PLCL1: variants seen among roughly 807,000 people sequenced by gnomAD.
The protein encoded by PLCL1 is phospholipase C like 1 (inactive), also known as inactive phospholipase C-like protein 1.
Under a neutral mutation model 84.4 loss-of-function variants are expected in PLCL1, and 41 were observed. The ratio of observed to expected loss-of-function variants is 0.49; its 90% CI spans 0.38 to 0.63. The LOEUF (loss-of-function observed/expected upper bound fraction) is 0.63, where lower values mean the gene tolerates loss of function less well. Among genes scored for constraint, PLCL1 ranks in the 30% least tolerant of loss-of-function variants. The pLI is 0.00. For synonymous variants in PLCL1, 490 were observed against 488.3 expected (o/e 1.00, Z -0.05); for missense variants, 1,206 against 1,367.8 (o/e 0.88, Z 1.87).
At chr2:197,974,813 T>C (rs1437296658) in intron 1 of PLCL1, among the ~76,000 whole-genome samples, 1 of 152,224 alleles carries the variant, frequency 6.6e-6, no homozygotes, top group African/African-American at 2.4e-5. Context: ...CTGTTTGCCC[T>C]GACAGGCCTG....
chr2:197,979,353 ACT>A, intron 1 of PLCL1, among the ~76,000 whole-genome samples: 1 of 152,320 alleles, frequency 6.6e-6, no homozygotes, highest in East Asian at 1.9e-4. Flanking sequence ...TACTAATATC[ACT>A]AAGTTAACTT....
chr2:197,842,467 C>T (rs1042382637), intron 1 of PLCL1, among the ~76,000 whole-genome samples: 3 of 152,068 alleles, frequency 2.0e-5, no homozygotes, highest in South Asian at 2.1e-4. Context: ...CTCAAAATTG[C>T]CATCCCCCAT....
chr2:197,887,437 T>C (rs1252838516), intron 1 of PLCL1, among the ~76,000 whole-genome samples: 3 of 152,148 alleles, frequency 2.0e-5, no homozygotes, highest in Non-Finnish European at 2.9e-5. Flanking sequence ...AGGAGAGGAA[T>C]TGCTGTGTTT....
At chr2:197,938,677 G>C (rs1031694857) in intron 1 of PLCL1, among the ~76,000 whole-genome samples, 3 of 152,128 alleles carry the variant, frequency 2.0e-5, no homozygotes, top group Non-Finnish European at 4.4e-5. Context: ...GGAATACCTG[G>C]AAGCTTGGAG....
intron 1 of PLCL1, among the ~76,000 whole-genome samples, chr2:198,026,467 A>G (rs1333934120): frequency 6.6e-6 from 1 of 152,186 alleles, no homozygotes; most frequent in Non-Finnish European, 1.5e-5. Context: ...TATCATTTCT[A>G]TGTTACAGGA....
chr2:197,839,595 G>C (rs897313700), intron 1 of PLCL1, among the ~76,000 whole-genome samples: 1 of 152,192 alleles, frequency 6.6e-6, no homozygotes, highest in Non-Finnish European at 1.5e-5. Flanking sequence ...ATGGGCCACA[G>C]ACTGACACCG....
At chr2:197,985,072 T>C (rs1198894755) in intron 1 of PLCL1, among the ~76,000 whole-genome samples, 5 of 152,160 alleles carry the variant, frequency 3.3e-5, no homozygotes, top group Non-Finnish European at 1.5e-5. Context: ...CAGCAATTTT[T>C]TGAGGCATTT....
intron 5 of PLCL1, among the ~76,000 whole-genome samples, chr2:198,126,524 C>T (rs182094968): frequency 5.2e-4 from 79 of 152,246 alleles, no homozygotes; most frequent in Non-Finnish European, 7.9e-4. Context: ...ACCATCCCTA[C>T]GTTAGCGCTG....
chr2:198,030,003 CT>C (rs749979798), intron 1 of PLCL1, among the ~76,000 whole-genome samples: 4 of 151,840 alleles, frequency 2.6e-5, no homozygotes, highest in Non-Finnish European at 4.4e-5. Context: ...CCAGGCCTTT[CT>C]TTCTTTTTTT....
intron 1 of PLCL1, among the ~76,000 whole-genome samples, chr2:197,905,109 G>C (rs922181563): frequency 6.6e-6 from 1 of 151,892 alleles, no homozygotes; most frequent in Non-Finnish European, 1.5e-5. Flanking sequence ...TTTAAGTTCT[G>C]GGATAAATGT....
rs771780528 is a variant in PLCL1 at position 198,084,309 on chromosome 2, T to C, written c.792T>C (p.Ser264=). Residue 264 remains serine, a synonymous_variant, in exon 2 of 6, where the codon TCT becomes TCC. Transcript: ENST00000428675. ...ATGGGATTATGTTGGAAGACACCTC[T>C]GTAGAGTTAATAAAACAACTCAACC... The part of the protein sequence containing the change: ...DGNGIMLEDT[S]VELIKQLNPT... 6.2e-7 allele frequency: 1 copy of C among 1,614,002 alleles called. No homozygotes were observed. Among genetic ancestry groups the C allele is most frequent in the Non-Finnish European group, 8.5e-7 (1 of 1,179,878 alleles).
At chr2:197,852,194 A>G (rs1000573236) in intron 1 of PLCL1, among the ~76,000 whole-genome samples, 1 of 151,478 alleles carries the variant, frequency 6.6e-6, no homozygotes, top group African/African-American at 2.4e-5. Context: ...GTGCCTTTCA[A>G]TTCCTGGCAC....
chr2:198,089,892 C>G (rs1692978859), intron 3 of PLCL1, among the ~76,000 whole-genome samples: 1 of 151,980 alleles, frequency 6.6e-6, no homozygotes, highest in Non-Finnish European at 1.5e-5. Flanking sequence ...AAGATATTCC[C>G]CTCACCATTA....
At chr2:197,852,166 A>C (rs1687252178) in intron 1 of PLCL1, among the ~76,000 whole-genome samples, 3 of 152,080 alleles carry the variant, frequency 2.0e-5, no homozygotes, top group African/African-American at 7.2e-5. Flanking sequence ...TGAGGGCAAA[A>C]ATATCATTCA....
Position 198,019,543 on chromosome 2 carries a change from C to T in PLCL1, c.241-64215C>T, listed in dbSNP as rs142078504. ...TAACTAGTTTAGAGAAGAACATAAA[C>T]GACCTGATGAAGCTGAAAAACACAG... On this transcript the variant is annotated intron_variant, in intron 1 of 5. Coordinates refer to ENST00000428675, the MANE Select transcript of PLCL1 (RefSeq NM_006226.4). Among the ~76,000 whole-genome samples the T allele has an allele frequency of 9.6e-3, 1,465 of 152,226 alleles. 24 individuals carry two copies. Among genetic ancestry groups the T allele is most frequent in the African/African-American group, 0.032 (1,310 of 41,532 alleles).
At position 198,011,789 on chromosome 2, in the gene PLCL1, G is replaced by A. The variant is rs531982197; in HGVS notation, c.241-71969G>A. 1.9e-4 allele frequency among the ~76,000 whole-genome samples: 29 copies of A among 152,176 alleles called. 1 individual carries two copies. The highest frequency in any genetic ancestry group is 6.5e-4 in the African/African-American group (27 of 41,554). ...GCTTCATTTATTTAGGTGCTGTAAT[G>A]TTAAGTACATATCTGTTTTTTTACT... is the stretch of plus-strand genomic sequence containing the variant. On this transcript the variant is annotated intron_variant, in intron 1 of 5. Transcript: ENST00000428675.
At chr2:198,073,843 C>A (rs1374684254) in intron 1 of PLCL1, among the ~76,000 whole-genome samples, 1 of 152,094 alleles carries the variant, frequency 6.6e-6, no homozygotes, top group African/African-American at 2.4e-5. Context: ...TAGACTTCTC[C>A]AAATCTAGAG....
chr2:198,056,956 G>C lies in PLCL1; in HGVS notation c.241-26802G>C, dbSNP rs182449565. On this transcript the variant is annotated intron_variant, in intron 1 of 5. Transcript: ENST00000428675. ...GATTTGGGGTTTTTGAATAAAAATA[G>C]GGTTTTATGCTTGAGGATATAGCAC... 2.8e-3 allele frequency among the ~76,000 whole-genome samples: 422 copies of C among 152,250 alleles called. 3 individuals carry two copies. Among genetic ancestry groups the C allele is most frequent in the African/African-American group, 9.5e-3 (394 of 41,540 alleles).
chr2:197,927,988 G>C (rs544113196), intron 1 of PLCL1, among the ~76,000 whole-genome samples: 2 of 151,932 alleles, frequency 1.3e-5, no homozygotes, highest in Admixed American at 1.3e-4. Flanking sequence ...AACTCTTAAG[G>C]TTAAATTTAG....
Sources: allele counts gnomAD v4.1 joint callset (sites outside exome capture counted in the v4.1 genomes callset), GRCh38; gene constraint gnomAD v4.1.1; transcripts MANE v1.5; gene names NCBI Gene and HGNC (gene_info 2026-07-23, HGNC 2026-07-21).